SHB: variants seen among roughly 807,000 people sequenced by gnomAD.
SHB encodes SH2 domain-containing adapter protein B.
SHB carries 20 observed loss-of-function variants against 52.3 expected under a neutral mutation model. The observed-to-expected ratio is 0.38, with a 90% confidence interval of 0.27 to 0.56. The LOEUF is 0.56. SHB is among the 20% of genes least tolerant of loss of function. The probability of loss-of-function intolerance (pLI) is 0.71; values close to 1 mark genes in which losing one functional copy is unlikely to be tolerated. For synonymous variants in SHB, 397 were observed against 316.5 expected, an observed-to-expected ratio of 1.25 and a Z score of -2.70; for missense variants, 825 against 723.3, an observed-to-expected ratio of 1.14 and a Z score of -1.61.
At chr9:37,999,536 C>G (rs1373575556) in intron 2 of SHB, among the ~76,000 whole-genome samples, 1 of 152,192 alleles carries the variant, frequency 6.6e-6, no homozygotes, top group East Asian at 1.9e-4. Flanking sequence ...CCTAGGGAGG[C>G]TAGTGTGACT....
At chr9:38,063,304 T>C (rs895564295) in intron 1 of SHB, among the ~76,000 whole-genome samples, 5 of 152,348 alleles carry the variant, frequency 3.3e-5, no homozygotes, top group Non-Finnish European at 5.9e-5. Flanking sequence ...TCAATGATTT[T>C]ATGTGAAACA....
intron 1 of SHB, among the ~76,000 whole-genome samples, chr9:38,065,956 C>A (rs548477872): frequency 6.6e-6 from 1 of 152,240 alleles, no homozygotes; most frequent in Non-Finnish European, 1.5e-5. Flanking sequence ...CGATGCCACA[C>A]CCCCCAACCT....
intron 1 of SHB, among the ~76,000 whole-genome samples, chr9:38,062,886 T>C (rs1821912249): frequency 6.6e-6 from 1 of 152,206 alleles, no homozygotes; most frequent in Non-Finnish European, 1.5e-5. Context: ...CAAGCTACAG[T>C]GGCAGAGCTG....
At chr9:37,975,246 T>C (rs902337359) in intron 2 of SHB, among the ~76,000 whole-genome samples, 11 of 152,144 alleles carry the variant, frequency 7.2e-5, no homozygotes, top group African/African-American at 2.7e-4. Context: ...GGACTTTCAG[T>C]CCTCATCTGT....
chr9:38,027,997 C>T (rs1193897566), intron 1 of SHB, among the ~76,000 whole-genome samples: 1 of 152,046 alleles, frequency 6.6e-6, no homozygotes, highest in Non-Finnish European at 1.5e-5. Flanking sequence ...TTGGCTCCTA[C>T]CCCGGATCTC....
At chr9:37,938,046 G>C (rs749080706) in intron 5 of SHB, among the ~76,000 whole-genome samples, 10 of 152,194 alleles carry the variant, frequency 6.6e-5, no homozygotes, top group Non-Finnish European at 8.8e-5. Flanking sequence ...AATGCCTCTA[G>C]GTAAGGGCCA....
At chr9:38,038,213 G>A (rs919866751) in intron 1 of SHB, among the ~76,000 whole-genome samples, 1 of 152,046 alleles carries the variant, frequency 6.6e-6, no homozygotes, top group Non-Finnish European at 1.5e-5. Context: ...CAGGCTGGGC[G>A]CACAGGCACC....
chr9:37,944,372 G>A (rs144863349), intron 5 of SHB, among the ~76,000 whole-genome samples: 337 of 152,304 alleles, frequency 2.2e-3, no homozygotes, highest in Non-Finnish European at 3.2e-3. Context: ...GCTGCCAGCC[G>A]GGCAGCCTTA....
At chr9:37,933,034 C>G (rs532966368) in intron 5 of SHB, among the ~76,000 whole-genome samples, 1 of 152,246 alleles carries the variant, frequency 6.6e-6, no homozygotes, top group Admixed American at 6.5e-5. Context: ...TTTAAAACTG[C>G]AAATTAAGAC....
At chr9:37,995,461 T>TCTGGCAGGGGGG (rs77102998) in intron 2 of SHB, among the ~76,000 whole-genome samples, 2 of 151,794 alleles carry the variant, frequency 1.3e-5, no homozygotes, top group Non-Finnish European at 2.9e-5. Flanking sequence ...TTTTCCCAGC[T>TCTGGCAGGGGGG]CTGGCCACTG....
intron 2 of SHB, among the ~76,000 whole-genome samples, chr9:37,999,620 C>A (rs775984751): frequency 6.6e-6 from 1 of 152,052 alleles, no homozygotes; most frequent in African/African-American, 2.4e-5. Context: ...GAGTGGAGGT[C>A]TGACAGAGAC....
chr9:37,986,156 T>C (rs116445425), intron 2 of SHB, among the ~76,000 whole-genome samples: 255 of 152,228 alleles, frequency 1.7e-3, no homozygotes, highest in African/African-American at 5.6e-3. Flanking sequence ...AGGAGACACC[T>C]TGAGGGCCAG....
At chr9:37,952,740 G>A (rs1393254321) in intron 4 of SHB, among the ~76,000 whole-genome samples, 2 of 151,414 alleles carry the variant, frequency 1.3e-5, no homozygotes, top group Non-Finnish European at 3.0e-5. Flanking sequence ...TCAAGATGAT[G>A]ACGGGTTTGT....
intron 3 of SHB, among the ~76,000 whole-genome samples, chr9:37,970,539 C>T (rs774327154): frequency 2.0e-5 from 3 of 152,102 alleles, no homozygotes; most frequent in Non-Finnish European, 4.4e-5. Flanking sequence ...GAACGCAATT[C>T]GGGACAGTGC....
Position 37,983,648 on chromosome 9 carries a change from T to C in SHB, c.839-8811A>G, listed in dbSNP as rs1820766654. Among the ~76,000 whole-genome samples, 9 of 151,884 alleles carry C rather than the reference T, an allele frequency of 5.9e-5. 1 individual carries two copies. The highest frequency in any genetic ancestry group is 3.3e-4 in the Admixed American group (5 of 15,262). On this transcript the variant is annotated intron_variant, in intron 2 of 5. Transcript: ENST00000377707. Reference sequence around the variant, plus strand: ...TCATGGGGTAGCAAGCTAGGTAGAGTTGTATGGCTCTCCACTCCCAGGCCC... The same window carrying C: ...TCATGGGGTAGCAAGCTAGGTAGAGCTGTATGGCTCTCCACTCCCAGGCCC...
chr9:37,986,738 G>A (rs1000446764), intron 2 of SHB, among the ~76,000 whole-genome samples: 23 of 152,198 alleles, frequency 1.5e-4, no homozygotes, highest in African/African-American at 4.8e-4. Flanking sequence ...GGGCTAGCAC[G>A]GGTGGCATCA....
chr9:37,953,577 G>A (rs1832592334), intron 4 of SHB, among the ~76,000 whole-genome samples: 1 of 152,098 alleles, frequency 6.6e-6, no homozygotes, highest in African/African-American at 2.4e-5. Context: ...TGCTGTCCCA[G>A]GAGGGAAGGC....
Position 38,039,373 on chromosome 9 carries a change from G to T in SHB, c.718-23242C>A, listed in dbSNP as rs146410067. Among the ~76,000 whole-genome samples, 440 of 152,376 alleles carry T rather than the reference G, an allele frequency of 2.9e-3. 3 individuals carry two copies. Among genetic ancestry groups the T allele is most frequent in the African/African-American group, 0.01 (424 of 41,580 alleles). On this transcript the variant is annotated intron_variant, in intron 1 of 5. Transcript: ENST00000377707. The stretch of plus-strand genomic sequence containing the variant: ...AAAGCCTAAGGCAAGACTTTAAAGC[G>T]CAGTGGGAACTGCTTAGTCATTAGC...
chr9:37,978,626 C>A (rs1820684085), intron 2 of SHB, among the ~76,000 whole-genome samples: 1 of 152,148 alleles, frequency 6.6e-6, no homozygotes, highest in Non-Finnish European at 1.5e-5. Flanking sequence ...ATGAGCAGGG[C>A]CCCACAGGGA....
Sources: gnomAD v4.1 joint callset for allele counts (sites outside exome capture counted in the v4.1 genomes callset) on GRCh38, gnomAD v4.1.1 for gene constraint, MANE v1.5 for transcripts, NCBI Gene and HGNC (gene_info 2026-07-23, HGNC 2026-07-21) for gene names.